Variants in NIM1K observed in about 807,000 individuals in gnomAD.
NIM1K encodes NIM1 serine/threonine protein kinase, also known as serine/threonine-protein kinase NIM1.
NIM1K carries 35 observed loss-of-function variants against 37.1 expected under a neutral mutation model. The observed-to-expected ratio is 0.94, with a 90% CI of 0.72 to 1.25. The LOEUF (loss-of-function observed/expected upper bound fraction) is 1.25. Among genes scored for constraint, NIM1K ranks in the 50% most tolerant of loss-of-function variants. NIM1K has a pLI of 0.00. For missense variants in NIM1K, 564 were observed against 548.0 expected, an observed-to-expected ratio of 1.03 and a Z score of -0.29; for synonymous variants, 234 against 206.6, an observed-to-expected ratio of 1.13 and a Z score of -1.14.
In NIM1K at chr5:43,212,174, T is replaced by C. The variant is rs533803219; in HGVS notation, c.-695+19763T>C. Among the ~76,000 whole-genome samples the C allele has an allele frequency of 4.6e-5, 7 of 152,080 alleles. No homozygotes were observed. In the South Asian group the frequency reaches 6.2e-4, roughly 14 times the overall value. Reference sequence around the variant, plus strand: ...ATCCCAGGATGGAAATGTAAAAGGATTGGGGTGGTGTGGAAGTGGGAGGAT... The same window carrying C: ...ATCCCAGGATGGAAATGTAAAAGGACTGGGGTGGTGTGGAAGTGGGAGGAT... On this transcript the variant is annotated intron_variant, in intron 1 of 3. Coordinates refer to ENST00000326035, the MANE Select transcript of NIM1K (RefSeq NM_153361.4).
chr5:43,280,196 CT>C lies in NIM1K; in HGVS notation c.782del (p.Leu261CysfsTer5). The C allele has an allele frequency of 1.9e-6, 3 of 1,614,122 alleles. No individual in the cohort carries two copies. Among genetic ancestry groups the C allele is most frequent in the Non-Finnish European group, 2.5e-6 (3 of 1,180,022 alleles). On this transcript the variant is annotated frameshift_variant, in exon 4 of 4. Transcript: ENST00000326035. LOFTEE classifies it high-confidence loss of function. ...IYVDIWALGV[L>X]LYFMVTGTMP... ...CGTGGATATCTGGGCCTTGGGGGTG[CT>C]TTTGTACTTCATGGTGACTGGCACC...
chr5:43,264,395 T>G (rs1753087992), intron 2 of NIM1K, among the ~76,000 whole-genome samples: 1 of 152,210 alleles, frequency 6.6e-6, no homozygotes, highest in Non-Finnish European at 1.5e-5. Flanking sequence ...TTGTCTCTTT[T>G]GATCTTTGTT....
At chr5:43,236,004 T>C (rs1334696583) in intron 1 of NIM1K, among the ~76,000 whole-genome samples, 1 of 152,152 alleles carries the variant, frequency 6.6e-6, no homozygotes, top group East Asian at 1.9e-4. Flanking sequence ...ACAGGCATGG[T>C]TGTTCACGCC....
chr5:43,233,236 G>A, intron 1 of NIM1K: 1 of 780,054 alleles, frequency 1.3e-6, no homozygotes, highest in South Asian at 1.7e-5. Context: ...GCTTCTTACA[G>A]TGCGACTCTT....
Position 43,254,519 on chromosome 5 carries a change from G to A in NIM1K, c.292+8452G>A, listed in dbSNP as rs368318731. Among the ~76,000 whole-genome samples the A allele has an allele frequency of 7.2e-5, 11 of 152,308 alleles. No homozygotes were observed. The East Asian group carries it at 1.2e-3, about 16-fold the overall frequency. ...TGATCCTTAAAGTTCCTCCATGTGT[G>A]TTATAAATAATAAACACTCGACAAA... On this transcript the variant is annotated intron_variant, in intron 2 of 3. Transcript: ENST00000326035.
At chr5:43,207,763 C>T (rs1752139436) in intron 1 of NIM1K, 4 of 458,804 alleles carry the variant, frequency 8.7e-6, no homozygotes, top group South Asian at 1.9e-5. Context: ...TCCCTTCATA[C>T]TTGGAATTGT....
At chr5:43,231,658 C>T (rs1752540704) in intron 1 of NIM1K, among the ~76,000 whole-genome samples, 1 of 152,128 alleles carries the variant, frequency 6.6e-6, no homozygotes, top group Non-Finnish European at 1.5e-5. Flanking sequence ...CAGTCTGGGT[C>T]TGCAAAAGCA....
intron 1 of NIM1K, among the ~76,000 whole-genome samples, chr5:43,214,596 A>T (rs183956138): frequency 6.6e-6 from 1 of 152,176 alleles, no homozygotes; most frequent in African/African-American, 2.4e-5. Flanking sequence ...CGGGCGGATC[A>T]CGAGGTCAGG....
intron 1 of NIM1K, among the ~76,000 whole-genome samples, chr5:43,194,167 C>G (rs1267260634): frequency 6.6e-6 from 1 of 152,172 alleles, no homozygotes; most frequent in Admixed American, 6.5e-5. Flanking sequence ...TTCCACGAAT[C>G]CTGGCCTGAG....
At chr5:43,242,180 T>TA (rs1752712724) in intron 1 of NIM1K, among the ~76,000 whole-genome samples, 1 of 152,004 alleles carries the variant, frequency 6.6e-6, no homozygotes, top group Admixed American at 6.5e-5. Flanking sequence ...AGACTGATCA[T>TA]ATTTGGCAAT....
At chr5:43,198,534 A>G (rs2112197300) in intron 1 of NIM1K, among the ~76,000 whole-genome samples, 1 of 151,508 alleles carries the variant, frequency 6.6e-6, no homozygotes, top group South Asian at 2.1e-4. Flanking sequence ...AAAAGAGCGG[A>G]CTTTATTAAG....
intron 2 of NIM1K, among the ~76,000 whole-genome samples, chr5:43,257,185 G>A (rs1752959189): frequency 6.6e-6 from 1 of 152,056 alleles, no homozygotes; most frequent in African/African-American, 2.4e-5. Flanking sequence ...AGTGTGGGTT[G>A]TCCTAGAAAC....
At chr5:43,223,635 G>T (rs894199322) in intron 1 of NIM1K, among the ~76,000 whole-genome samples, 1 of 152,054 alleles carries the variant, frequency 6.6e-6, no homozygotes, top group Admixed American at 6.6e-5. Flanking sequence ...CTTTCCTTTT[G>T]TTAAATGATT....
chr5:43,280,151 G>A lies in NIM1K; in HGVS notation c.733G>A (p.Glu245Lys). 6.2e-7 allele frequency: 1 copy of A among 1,614,178 alleles called. No homozygotes were observed. Among genetic ancestry groups the A allele is most frequent in the Non-Finnish European group, 8.5e-7 (1 of 1,180,026 alleles). ...CGCTGCGCCTGAACTCTTCCGGGACGAGCACTACATCGGCATTTACGTGGA... is the reference window on the plus strand; with the variant it reads ...CGCTGCGCCTGAACTCTTCCGGGACAAGCACTACATCGGCATTTACGTGGA... The part of the protein sequence containing the change: ...PYAAPELFRD[E>K]HYIGIYVDIW... Residue 245 changes from glutamate to lysine, a missense_variant, in exon 4 of 4, where the codon GAG becomes AAG. Glu to Lys is a moderately conservative substitution (Grantham distance 56). Transcript: ENST00000326035.
At chr5:43,204,108 G>A (rs1378306854) in intron 1 of NIM1K, among the ~76,000 whole-genome samples, 3 of 87,450 alleles carry the variant, frequency 3.4e-5, no homozygotes, top group Admixed American at 1.8e-4. Flanking sequence ...TTTTTGAGAC[G>A]GAGTCTCACT....
At chr5:43,261,196 T>A (rs1181522905) in intron 2 of NIM1K, among the ~76,000 whole-genome samples, 1 of 152,186 alleles carries the variant, frequency 6.6e-6, no homozygotes, top group Non-Finnish European at 1.5e-5. Context: ...ATTGACTTCC[T>A]CAATGGTTGA....
chr5:43,271,811 T>C (rs554060663), intron 2 of NIM1K, among the ~76,000 whole-genome samples: 1 of 152,324 alleles, frequency 6.6e-6, no homozygotes, highest in East Asian at 1.9e-4. Context: ...GGCTCTTCTG[T>C]AGCCACCTCC....
chr5:43,255,383 A>G (rs941001114), intron 2 of NIM1K, among the ~76,000 whole-genome samples: 1 of 152,180 alleles, frequency 6.6e-6, no homozygotes, highest in Non-Finnish European at 1.5e-5. Flanking sequence ...TGGAACTTAC[A>G]CTCTAGTGAG....
intron 3 of NIM1K, among the ~76,000 whole-genome samples, chr5:43,278,090 G>A (rs1339228780): frequency 6.7e-6 from 1 of 149,104 alleles, no homozygotes; most frequent in East Asian, 2.0e-4. Context: ...CTGTCACCCA[G>A]GATGGAGTGC....
Sources: allele counts gnomAD v4.1 joint callset (sites outside exome capture counted in the v4.1 genomes callset), GRCh38; gene constraint gnomAD v4.1.1; transcripts MANE v1.5; gene names NCBI Gene and HGNC (gene_info 2026-07-23, HGNC 2026-07-21).